The following TRIM36 variants were observed in gnomAD, a reference collection of about 807,000 sequenced individuals.
TRIM36 encodes E3 ubiquitin-protein ligase TRIM36.
Under a neutral mutation model 72.4 loss-of-function variants are expected in TRIM36, and 42 were observed. That is an observed-to-expected ratio of 0.58 (90% CI 0.45 to 0.75). TRIM36 has a LOEUF of 0.75. Among genes scored for constraint, TRIM36 ranks in the 30% least tolerant of loss-of-function variants. The pLI is 0.00. For missense variants in TRIM36, 913 were observed against 857.1 expected, an observed-to-expected ratio of 1.07 and a Z score of -0.81; for synonymous variants, 315 against 282.8, an observed-to-expected ratio of 1.11 and a Z score of -1.14.
chr5:115,146,923 GGCCTTAAGTTCTTATACCT>G, intron 3 of TRIM36, 127 bp downstream of exon 3: 1 of 821,884 alleles, frequency 1.2e-6, no homozygotes, highest in Non-Finnish European at 1.8e-6. Flanking sequence ...CAGCCAACTA[GGCCTTAAGTTCTTATACCT>G]GCTTTTAAAG....
chr5:115,150,012 G>C (rs1753806614), intron 2 of TRIM36, among the ~76,000 whole-genome samples: 1 of 152,138 alleles, frequency 6.6e-6, no homozygotes, highest in Non-Finnish European at 1.5e-5. Context: ...ACCTGCCTCG[G>C]CCTCCCAAAG....
intron 1 of TRIM36, among the ~76,000 whole-genome samples, chr5:115,166,030 G>T (rs1215257124): frequency 2.0e-5 from 3 of 152,160 alleles, no homozygotes. Flanking sequence ...CAAGGGCAGG[G>T]CTGAGGGTGA....
At chr5:115,139,578 A>T (rs889242172) in intron 5 of TRIM36, among the ~76,000 whole-genome samples, 1 of 152,256 alleles carries the variant, frequency 6.6e-6, no homozygotes, top group African/African-American at 2.4e-5. Context: ...AGCAGAAGGT[A>T]GTGACATTTT....
intron 1 of TRIM36, among the ~76,000 whole-genome samples, chr5:115,165,776 T>G (rs1460595845): frequency 6.6e-6 from 1 of 151,894 alleles, no homozygotes; most frequent in Admixed American, 6.6e-5. Context: ...ACTAGGGCAT[T>G]CCTATGCTCT....
chr5:115,138,320 T>C (rs1753077496), intron 5 of TRIM36, among the ~76,000 whole-genome samples: 1 of 152,122 alleles, frequency 6.6e-6, no homozygotes, highest in African/African-American at 2.4e-5. Context: ...AGGATGGTCT[T>C]GATCTCCTGA....
In TRIM36 at chr5:115,143,146, C is replaced by T. The variant is rs1298724050; in HGVS notation, c.735+1452G>A. Among the ~76,000 whole-genome samples the T allele has an allele frequency of 5.0e-5, 7 of 139,826 alleles. No individual in the cohort carries two copies. In the South Asian group the frequency reaches 1.4e-3, roughly 28 times the overall value. 91.7% of individuals were successfully genotyped at this position (139,826 alleles called of 152,430 possible). The stretch of plus-strand genomic sequence containing the variant: ...AACTGTCCAAGCCCAGGCAAAGAAT[C>T]ACCCTACAGGTTCAAGGAAACAATC... On this transcript the variant is annotated intron_variant, in intron 4 of 9. Transcript: ENST00000513154.
intron 9 of TRIM36, among the ~76,000 whole-genome samples, chr5:115,127,280 G>A (rs1561415993): frequency 6.6e-6 from 1 of 152,218 alleles, no homozygotes; most frequent in South Asian, 2.1e-4. Context: ...AAATATTTCA[G>A]TTGGGTGCAG....
At chr5:115,131,761 T>C (rs1244393824) in intron 8 of TRIM36, among the ~76,000 whole-genome samples, 3 of 152,148 alleles carry the variant, frequency 2.0e-5, no homozygotes, top group Non-Finnish European at 4.4e-5. Context: ...ACAACATGGA[T>C]AAATAAGCCA....
chr5:115,141,347 G>A lies in TRIM36; in HGVS notation c.763C>T (p.Leu255Phe), dbSNP rs960211533. 2 of 1,599,594 alleles carry A rather than the reference G, an allele frequency of 1.3e-6. No homozygotes were observed. Among genetic ancestry groups the A allele is most frequent in the Middle Eastern group, 1.7e-4 (1 of 6,054 alleles). ...KEKLSKDIDYLIGKESQVKSQ... is the reference protein window; with the variant it reads ...KEKLSKDIDYFIGKESQVKSQ... ...TTCACCTGGCTTTCCTTACCAATAAGGTAATCAATATCCTTTGAAAGCTTT... is the reference window on the plus strand; with the variant it reads ...TTCACCTGGCTTTCCTTACCAATAAAGTAATCAATATCCTTTGAAAGCTTT... Residue 255 changes from leucine (L) to phenylalanine (F), a missense_variant, in exon 5 of 10, where the codon CTT (leucine) becomes TTT (phenylalanine). Coordinates refer to ENST00000513154, the MANE Select transcript of TRIM36 (RefSeq NM_001300759.2).
chr5:115,164,219 T>C (rs533925514), intron 1 of TRIM36, among the ~76,000 whole-genome samples: 1 of 152,382 alleles, frequency 6.6e-6, no homozygotes, highest in South Asian at 2.1e-4. Context: ...AGTATGTTCA[T>C]GGAAACCTAG....
At chr5:115,155,047 G>A (rs545756358) in intron 2 of TRIM36, among the ~76,000 whole-genome samples, 1 of 152,200 alleles carries the variant, frequency 6.6e-6, no homozygotes, top group East Asian at 1.9e-4. Context: ...AAATTAGCCG[G>A]GCATGGTGGT....
At chr5:115,133,825 C>T (rs1259701933) in intron 8 of TRIM36, 35 bp downstream of exon 8, 1 of 1,538,516 alleles carries the variant, frequency 6.5e-7, no homozygotes, top group East Asian at 2.3e-5. Flanking sequence ...TTGCAACTAA[C>T]TCTATGCTTT....
chr5:115,150,784 G>A (rs1753848556), intron 2 of TRIM36, among the ~76,000 whole-genome samples: 1 of 152,192 alleles, frequency 6.6e-6, no homozygotes, highest in Admixed American at 6.5e-5. Flanking sequence ...GGAAACTGAA[G>A]ACCTGGATAA....
rs769122507 is a variant in TRIM36 at position 115,169,649 on chromosome 5, A to C, written c.-15T>G. On this transcript the variant is annotated 5_prime_UTR_variant, in exon 1 of 10. Coordinates refer to ENST00000513154, the MANE Select transcript of TRIM36 (RefSeq NM_001300759.2). ...TCGCCCTCCATGGCTGCCTTCTGCCAGGTGTCATCAGCGGCACGTTCCACT... is the reference window on the plus strand; with the variant it reads ...TCGCCCTCCATGGCTGCCTTCTGCCCGGTGTCATCAGCGGCACGTTCCACT... 3 of 1,521,496 alleles carry C rather than the reference A, an allele frequency of 2.0e-6. No individual in the cohort carries two copies. Among genetic ancestry groups the C allele is most frequent in the South Asian group, 2.5e-5 (2 of 81,268 alleles). The allele number at this position is 1,521,496 out of a possible 1,614,324, so 94.2% of individuals were successfully genotyped here.
intron 1 of TRIM36, among the ~76,000 whole-genome samples, chr5:115,164,569 T>C (rs984970530): frequency 1.3e-5 from 2 of 152,158 alleles, no homozygotes; most frequent in African/African-American, 2.4e-5. Context: ...TCAGATCTTA[T>C]GAGAATTCGC....
At chr5:115,172,255 T>C (rs1450811443), upstream of TRIM36, among the ~76,000 whole-genome samples, 1 of 152,226 alleles carries the variant, frequency 6.6e-6, no homozygotes, top group Non-Finnish European at 1.5e-5. Flanking sequence ...AAATTTTAAA[T>C]ATTTTTACCT....
At chr5:115,160,732 G>A (rs796800514) in intron 2 of TRIM36, among the ~76,000 whole-genome samples, 4 of 152,070 alleles carry the variant, frequency 2.6e-5, no homozygotes, top group Admixed American at 1.3e-4. Flanking sequence ...TCTAGTCTCC[G>A]GTATGTAGGA....
intron 2 of TRIM36, among the ~76,000 whole-genome samples, chr5:115,154,948 G>A (rs1754094062): frequency 6.6e-6 from 1 of 152,066 alleles, no homozygotes. Context: ...GGAAGGCTGA[G>A]GCAGGCAGAT....
chr5:115,161,929 C>T (rs1441281999), intron 2 of TRIM36, among the ~76,000 whole-genome samples: 1 of 152,210 alleles, frequency 6.6e-6, no homozygotes, highest in Non-Finnish European at 1.5e-5. Flanking sequence ...AAATTTGACA[C>T]CTGATGTAAA....
Sources: gnomAD v4.1 joint callset for allele counts (sites outside exome capture counted in the v4.1 genomes callset) on GRCh38, gnomAD v4.1.1 for gene constraint, MANE v1.5 for transcripts, NCBI Gene and HGNC (gene_info 2026-07-23, HGNC 2026-07-21) for gene names.